The following RRM2B variants were observed in gnomAD, a reference collection of about 807,000 sequenced individuals.
The protein encoded by RRM2B is ribonucleoside-diphosphate reductase subunit M2 B.
Under a neutral mutation model 45.9 loss-of-function variants are expected in RRM2B, and 20 were observed. The ratio of observed to expected loss-of-function variants is 0.44; its 90% CI spans 0.31 to 0.63. The LOEUF is 0.63. Ranked by LOEUF, RRM2B falls within the 30% of genes least tolerant of loss-of-function variation. RRM2B has a pLI of 0.09. For missense variants in RRM2B, 320 were observed against 414.7 expected, an observed-to-expected ratio of 0.77 and a Z score of 1.98; for synonymous variants, 124 against 132.3, an observed-to-expected ratio of 0.94 and a Z score of 0.43.
At chr8:102,219,429 C>T (rs980171172) in intron 5 of RRM2B, among the ~76,000 whole-genome samples, 5 of 152,162 alleles carry the variant, frequency 3.3e-5, no homozygotes, top group Non-Finnish European at 7.3e-5. Context: ...TCAAAAACCA[C>T]TGGCGTGTAT....
At chr8:102,216,344 A>C (rs1025624978) in intron 6 of RRM2B, among the ~76,000 whole-genome samples, 5 of 152,146 alleles carry the variant, frequency 3.3e-5, no homozygotes, top group African/African-American at 1.2e-4. Context: ...AAAACCAAGA[A>C]AAAAAATGTG....
chr8:102,212,669 T>TA (rs1810655496), intron 8 of RRM2B, 107 bp downstream of exon 8: 1 of 677,170 alleles, frequency 1.5e-6, no homozygotes, highest in African/African-American at 1.8e-5. Flanking sequence ...CATTGACATT[T>TA]AAAAAATAGA....
chr8:102,234,402 T>A (rs548733029), intron 1 of RRM2B, among the ~76,000 whole-genome samples: 1 of 152,240 alleles, frequency 6.6e-6, no homozygotes, highest in Non-Finnish European at 1.5e-5. Context: ...GGGCTAGAGA[T>A]GACGTATTAT....
intron 1 of RRM2B, among the ~76,000 whole-genome samples, chr8:102,235,449 T>C (rs774815886): frequency 1.3e-5 from 2 of 152,194 alleles, no homozygotes; most frequent in Non-Finnish European, 2.9e-5. Flanking sequence ...ATTAGATGTT[T>C]AACGGAAGTT....
At chr8:102,235,845 A>T (rs1811112733) in intron 1 of RRM2B, among the ~76,000 whole-genome samples, 1 of 152,242 alleles carries the variant, frequency 6.6e-6, no homozygotes, top group Non-Finnish European at 1.5e-5. Flanking sequence ...CCGTCTCAAA[A>T]AAAAAAGAAT....
At chr8:102,238,720 C>A (rs1417763550) in intron 1 of RRM2B, 107 bp downstream of exon 1, 17 of 1,584,598 alleles carry the variant, frequency 1.1e-5, no homozygotes, top group Admixed American at 1.8e-5. Context: ...GGCGGACAGG[C>A]CTGTCCTGAC....
chr8:102,226,145 T>C (rs937145329), intron 2 of RRM2B, 111 bp from the exon 3 acceptor site: 52 of 718,042 alleles, frequency 7.2e-5, no homozygotes, highest in African/African-American at 7.2e-4. Flanking sequence ...CAGTAAACTA[T>C]GGAAAAAGAA....
chr8:102,208,317 T>G, intron 8 of RRM2B, 32 bp from the exon 9 acceptor site: 1 of 1,451,262 alleles, frequency 6.9e-7, no homozygotes, highest in South Asian at 1.2e-5. Flanking sequence ...TTAGACATTC[T>G]GAAGAGATCA....
chr8:102,218,873 TTAGCCAGAATA>T lies in RRM2B; in HGVS notation c.614_624del (p.Ile205LysfsTer14). On this transcript the variant is annotated frameshift_variant, in exon 6 of 9. Coordinates refer to ENST00000251810, the MANE Select transcript of RRM2B (RefSeq NM_015713.5). LOFTEE classifies it high-confidence loss of function. The stretch of plus-strand genomic sequence containing the variant: ...AGTCCTGGCATAAGACCTCTCTTCT[TTAGCCAGAATA>T]TAGCAGCAAAAGATCCTGAGAAGAA... The T allele has an allele frequency of 6.2e-7, 1 of 1,614,012 alleles. No homozygotes were observed. The highest frequency in any genetic ancestry group is 8.5e-7 in the Non-Finnish European group (1 of 1,179,894).
At position 102,214,103 on chromosome 8, in the gene RRM2B, G is replaced by A; in HGVS notation, c.740C>T (p.Ser247Leu). Residue 247 changes from serine to leucine, a missense_variant, in exon 7 of 9, where the codon TCA becomes TTA. By Grantham distance (145) the Ser-to-Leu change is moderately radical. Coordinates refer to ENST00000251810, the MANE Select transcript of RRM2B (RefSeq NM_015713.5). ...LMFQYLVNKP[S>L]EERVREIIVD... The stretch of plus-strand genomic sequence containing the variant: ...AATGATCTCCCTGACCCTTTCTTCT[G>A]AAGGCTTATTTACTAAGTATTGGAA... 2 of 1,613,616 alleles carry A rather than the reference G, an allele frequency of 1.2e-6. No individual in the cohort carries two copies. The highest frequency in any genetic ancestry group is 1.7e-6 in the Non-Finnish European group (2 of 1,179,762).
chr8:102,238,711 G>C (rs545285427), intron 1 of RRM2B, 116 bp downstream of exon 1: 3 of 1,573,410 alleles, frequency 1.9e-6, no homozygotes, highest in Non-Finnish European at 2.6e-6. Context: ...GCGAGGGCGG[G>C]CGGACAGGCC....
intron 2 of RRM2B, among the ~76,000 whole-genome samples, chr8:102,227,276 G>A (rs2132557488): frequency 6.6e-6 from 1 of 152,256 alleles, no homozygotes; most frequent in Admixed American, 6.5e-5. Flanking sequence ...AGAATTTGGT[G>A]AAACCTACAA....
intron 2 of RRM2B, among the ~76,000 whole-genome samples, chr8:102,230,467 G>A (rs74424705): frequency 2.2e-4 from 33 of 152,182 alleles, no homozygotes; most frequent in Admixed American, 1.0e-3. Flanking sequence ...CATAATGAAC[G>A]AAAAAGCCAC....
At chr8:102,213,214 C>A (rs1486098257) in intron 7 of RRM2B, among the ~76,000 whole-genome samples, 1 of 151,860 alleles carries the variant, frequency 6.6e-6, no homozygotes, top group Non-Finnish European at 1.5e-5. Context: ...TCTAAAATAT[C>A]TGGAAAAAGA....
chr8:102,225,531 C>T (rs1810917438), intron 3 of RRM2B, among the ~76,000 whole-genome samples: 1 of 152,106 alleles, frequency 6.6e-6, no homozygotes, highest in South Asian at 2.1e-4. Flanking sequence ...CGTACCCGGC[C>T]TATCTTTCTA....
At chr8:102,228,375 T>C (rs777047794) in intron 2 of RRM2B, among the ~76,000 whole-genome samples, 2 of 152,220 alleles carry the variant, frequency 1.3e-5, no homozygotes, top group Non-Finnish European at 2.9e-5. Context: ...AAATCCTCTG[T>C]ATTCACCACC....
At chr8:102,225,879 C>T in intron 3 of RRM2B, 39 bp downstream of exon 3, 2 of 1,084,978 alleles carry the variant, frequency 1.8e-6, no homozygotes, top group Non-Finnish European at 2.9e-6. Flanking sequence ...CATTTAACTG[C>T]TAAAGGAGAA....
chr8:102,236,625 T>C (rs1811125282), intron 1 of RRM2B, among the ~76,000 whole-genome samples: 1 of 152,324 alleles, frequency 6.6e-6, no homozygotes, highest in Non-Finnish European at 1.5e-5. Flanking sequence ...GGCACTGGTC[T>C]AATGAAGGAT....
At chr8:102,214,645 G>A (rs781025482) in intron 6 of RRM2B, among the ~76,000 whole-genome samples, 9 of 146,662 alleles carry the variant, frequency 6.1e-5, no homozygotes, top group Non-Finnish European at 9.1e-5. Context: ...GGTGGGGCTC[G>A]GTGGCTCATG....
Sources: gnomAD v4.1 joint callset for allele counts (sites outside exome capture counted in the v4.1 genomes callset) on GRCh38, gnomAD v4.1.1 for gene constraint, MANE v1.5 for transcripts, NCBI Gene and HGNC (gene_info 2026-07-23, HGNC 2026-07-21) for gene names.